RALYL: variants seen among roughly 807,000 people sequenced by gnomAD.
The protein encoded by RALYL is RNA-binding Raly-like protein.
In RALYL, 29 loss-of-function variants were observed where a neutral mutation model predicts 35.1. The ratio of observed to expected loss-of-function variants is 0.83; its 90% CI spans 0.61 to 1.13. RALYL has a LOEUF of 1.13. Ranked by LOEUF, RALYL falls within the 50% of genes most tolerant of loss-of-function variation. The pLI is 0.00. For missense variants in RALYL, 359 were observed against 360.4 expected (o/e 1.00, Z 0.03); for synonymous variants, 120 against 127.6 (o/e 0.94, Z 0.40).
intron 4 of RALYL, among the ~76,000 whole-genome samples, chr8:84,846,743 A>G (rs1358861047): frequency 5.9e-5 from 9 of 152,058 alleles, no homozygotes; most frequent in Admixed American, 5.9e-4. Context: ...CAATTATGAG[A>G]GGTTGTGTTT....
At chr8:84,725,237 C>T (rs1844723712) in intron 2 of RALYL, among the ~76,000 whole-genome samples, 1 of 151,598 alleles carries the variant, frequency 6.6e-6, no homozygotes, top group African/African-American at 2.4e-5. Context: ...TATAATGTGA[C>T]TGCTAAGGCC....
At chr8:84,528,919 C>T (rs1272135164) in intron 1 of RALYL, among the ~76,000 whole-genome samples, 1 of 152,100 alleles carries the variant, frequency 6.6e-6, no homozygotes, top group African/African-American at 2.4e-5. Context: ...TTCTTTATTA[C>T]ATCTATCATC....
At position 84,527,415 on chromosome 8, in the gene RALYL, C is replaced by A. The variant is rs923690120; in HGVS notation, c.-23-1884C>A. ...ACAGGTCTGATCTAATCTAGCAATT[C>A]TTGTGTTTGCATTTTAACCAATGTA... On this transcript the variant is annotated intron_variant, in intron 1 of 8. Transcript: ENST00000521268. Among the ~76,000 whole-genome samples, 3 of 152,282 alleles carry A rather than the reference C, an allele frequency of 2.0e-5. No individual in the cohort carries two copies. In the East Asian group the frequency reaches 5.8e-4, roughly 29 times the overall value.
intron 7 of RALYL, among the ~76,000 whole-genome samples, chr8:84,878,591 A>C (rs566256266): frequency 5.2e-5 from 7 of 135,692 alleles, no homozygotes; most frequent in African/African-American, 1.5e-4. Flanking sequence ...TACAGGAAGA[A>C]TAAAACTTCA....
chr8:84,474,268 C>A (rs2133766284), intron 1 of RALYL, among the ~76,000 whole-genome samples: 1 of 152,206 alleles, frequency 6.6e-6, no homozygotes, highest in Admixed American at 6.5e-5. Flanking sequence ...TTTAACAGTA[C>A]ATGCTTTCCA....
At chr8:84,584,743 C>T (rs1811614909) in intron 2 of RALYL, among the ~76,000 whole-genome samples, 1 of 151,986 alleles carries the variant, frequency 6.6e-6, no homozygotes, top group South Asian at 2.1e-4. Flanking sequence ...AGAAGACATG[C>T]AGAAACAACA....
chr8:84,906,237 T>C (rs1367386449), intron 8 of RALYL, among the ~76,000 whole-genome samples: 1 of 152,048 alleles, frequency 6.6e-6, no homozygotes, highest in Non-Finnish European at 1.5e-5. Flanking sequence ...AATACAAATA[T>C]AATTGATTCA....
chr8:84,659,753 A>G (rs1031997224), intron 2 of RALYL, among the ~76,000 whole-genome samples: 84 of 152,214 alleles, frequency 5.5e-4, no homozygotes, highest in African/African-American at 2.0e-3. Flanking sequence ...TTTGCCATTT[A>G]TATTCAACCT....
At chr8:84,499,300 A>G (rs1403223462) in intron 1 of RALYL, among the ~76,000 whole-genome samples, 2 of 152,020 alleles carry the variant, frequency 1.3e-5, no homozygotes, top group East Asian at 3.9e-4. Context: ...TTTAAACATC[A>G]CCCCCTCAAA....
chr8:84,361,657 A>G (rs1023610391), intron 1 of RALYL, among the ~76,000 whole-genome samples: 1 of 152,192 alleles, frequency 6.6e-6, no homozygotes, highest in African/African-American at 2.4e-5. Context: ...GGTCAAGCTG[A>G]GTCATACACA....
chr8:84,519,016 T>G (rs973069181), intron 1 of RALYL, among the ~76,000 whole-genome samples: 4 of 152,194 alleles, frequency 2.6e-5, no homozygotes, highest in African/African-American at 9.7e-5. Context: ...TACAGCAGAG[T>G]TTGATTCCAG....
At chr8:84,211,195 A>G (rs550769145) in intron 1 of RALYL, among the ~76,000 whole-genome samples, 22 of 152,064 alleles carry the variant, frequency 1.4e-4, no homozygotes, top group African/African-American at 2.7e-4. Flanking sequence ...GAAAATATAT[A>G]TCTCTGACTG....
chr8:84,827,588 C>A (rs1288431919), intron 4 of RALYL, among the ~76,000 whole-genome samples: 2 of 151,914 alleles, frequency 1.3e-5, no homozygotes, highest in African/African-American at 2.4e-5. Context: ...TCAATAAAAT[C>A]AAAACAGGAT....
intron 1 of RALYL, among the ~76,000 whole-genome samples, chr8:84,359,815 C>A (rs1006061178): frequency 7.2e-5 from 11 of 151,896 alleles, no homozygotes; most frequent in Non-Finnish European, 1.3e-4. Context: ...TATTCAATAG[C>A]CACTAGCCAC....
At chr8:84,389,689 A>T (rs1262671739) in intron 1 of RALYL, among the ~76,000 whole-genome samples, 2 of 150,692 alleles carry the variant, frequency 1.3e-5, no homozygotes, top group Non-Finnish European at 2.9e-5. Context: ...TTGTACATTG[A>T]TTTTGTATCC....
chr8:84,499,632 G>A (rs539627350), intron 1 of RALYL, among the ~76,000 whole-genome samples: 4 of 151,840 alleles, frequency 2.6e-5, no homozygotes, highest in African/African-American at 4.8e-5. Context: ...GTTTCCTCAT[G>A]TTTCTAGCAA....
intron 1 of RALYL, among the ~76,000 whole-genome samples, chr8:84,254,851 T>G (rs1218028097): frequency 6.6e-6 from 1 of 151,600 alleles, no homozygotes; most frequent in Non-Finnish European, 1.5e-5. Flanking sequence ...CAAGGGACCT[T>G]CTTCACAAGG....
chr8:84,374,293 A>G (rs1173426515), intron 1 of RALYL, among the ~76,000 whole-genome samples: 1 of 151,954 alleles, frequency 6.6e-6, no homozygotes, highest in Non-Finnish European at 1.5e-5. Flanking sequence ...CTGGTTTTCA[A>G]AGGGAATGCT....
intron 1 of RALYL, among the ~76,000 whole-genome samples, chr8:84,428,508 G>T (rs554236461): frequency 3.9e-5 from 6 of 152,080 alleles, no homozygotes; most frequent in African/African-American, 1.2e-4. Flanking sequence ...CATAAACATA[G>T]AATTCTTGAT....
Sources: gnomAD v4.1 joint callset for allele counts (sites outside exome capture counted in the v4.1 genomes callset) on GRCh38, gnomAD v4.1.1 for gene constraint, MANE v1.5 for transcripts, NCBI Gene and HGNC (gene_info 2026-07-23, HGNC 2026-07-21) for gene names.